CNOT9: variants seen among roughly 807,000 people sequenced by gnomAD.
CNOT9 encodes CCR4-NOT transcription complex subunit 9.
CNOT9 carries 8 observed loss-of-function variants against 37.4 expected under a neutral mutation model. The observed-to-expected ratio is 0.21, with a 90% CI of 0.13 to 0.39. The LOEUF is 0.39. CNOT9 is among the 10% of genes least tolerant of loss of function. The pLI is 1.00. For synonymous variants in CNOT9, 120 were observed against 137.6 expected, an observed-to-expected ratio of 0.87 and a Z score of 0.90; for missense variants, 154 against 365.3, an observed-to-expected ratio of 0.42 and a Z score of 4.71.
At chr2:218,579,042 T>G (rs1465899179) in intron 1 of CNOT9, among the ~76,000 whole-genome samples, 1 of 152,206 alleles carries the variant, frequency 6.6e-6, no homozygotes, top group Non-Finnish European at 1.5e-5. Context: ...ATTACAGGTT[T>G]TCTGCTCAGT....
rs544106749 is a variant in CNOT9, at chr2:218,592,147, C to A, written c.541-157C>A. ...GTTCAACATGGTAATATTTATTATT[C>A]TTTGTACTATACATATATGATAAAG... On this transcript the variant is annotated intron_variant, in intron 5 of 7. Coordinates refer to ENST00000273064, the MANE Select transcript of CNOT9 (RefSeq NM_005444.3). The surrounding 1 kb of genome is among the most constrained non-coding windows in gnomAD (Gnocchi z 4.1). Among the ~76,000 whole-genome samples, 1 of 152,188 alleles carries A rather than the reference C, an allele frequency of 6.6e-6. No homozygotes were observed. The highest frequency in any genetic ancestry group is 1.9e-4 in the East Asian group (1 of 5,192).
intron 2 of CNOT9, among the ~76,000 whole-genome samples, chr2:218,582,098 A>T (rs1455810351): frequency 6.7e-6 from 1 of 148,720 alleles, no homozygotes; most frequent in Non-Finnish European, 1.5e-5. Flanking sequence ...AAGAAAAAAA[A>T]TGTAAATGGA....
intron 1 of CNOT9, chr2:218,572,640 A>C: frequency 1.0e-6 from 1 of 983,692 alleles, no homozygotes. Flanking sequence ...CAAAGGAAAA[A>C]GAAAACTACA....
At chr2:218,581,307 T>C (rs1574989888) in intron 2 of CNOT9, among the ~76,000 whole-genome samples, 1 of 151,858 alleles carries the variant, frequency 6.6e-6, no homozygotes, top group Non-Finnish European at 1.5e-5. Context: ...TAGCTGGGAT[T>C]ATAGGCCTGC....
intron 1 of CNOT9, among the ~76,000 whole-genome samples, chr2:218,579,198 C>T (rs1217167170): frequency 2.0e-5 from 3 of 152,086 alleles, no homozygotes; most frequent in Non-Finnish European, 4.4e-5. Flanking sequence ...AGTAAGTCTC[C>T]CTGTAAATCC....
intron 1 of CNOT9, among the ~76,000 whole-genome samples, chr2:218,573,107 C>G (rs1452275785): frequency 6.6e-6 from 1 of 152,066 alleles, no homozygotes; most frequent in African/African-American, 2.4e-5. Flanking sequence ...ATCATAAGGT[C>G]AGGAGTTCGA....
chr2:218,570,597 T>C (rs1205418651), intron 1 of CNOT9, among the ~76,000 whole-genome samples: 1 of 152,202 alleles, frequency 6.6e-6, no homozygotes, highest in African/African-American at 2.4e-5. Flanking sequence ...TGTGCTGCTA[T>C]TAGGGGAAAG....
At chr2:218,593,108 A>G (rs1574999475) in intron 7 of CNOT9, 1 of 230,084 alleles carries the variant, frequency 4.3e-6, no homozygotes, top group Non-Finnish European at 8.5e-6. Context: ...TGATTCCTAT[A>G]AGTTTCTTGA....
intron 3 of CNOT9, 22 bp downstream of exon 3, chr2:218,583,108 C>G (rs1447985400): frequency 1.4e-6 from 2 of 1,466,318 alleles, no homozygotes; most frequent in African/African-American, 2.8e-5. Flanking sequence ...GGGTGAGTCA[C>G]TTGGGGGAGA....
At chr2:218,572,814 C>T (rs534783839) in intron 1 of CNOT9, 27 of 411,636 alleles carry the variant, frequency 6.6e-5, no homozygotes, top group African/African-American at 3.0e-4. Flanking sequence ...TCTCACTTTC[C>T]GCCTAACCAG....
chr2:218,571,934 T>C (rs1694010725), intron 1 of CNOT9, among the ~76,000 whole-genome samples: 1 of 151,968 alleles, frequency 6.6e-6, no homozygotes, highest in African/African-American at 2.4e-5. Flanking sequence ...CATATATTCA[T>C]TACCGCTACC....
At chr2:218,584,236 C>T (rs1694513472) in intron 3 of CNOT9, among the ~76,000 whole-genome samples, 1 of 152,124 alleles carries the variant, frequency 6.6e-6, no homozygotes, top group Non-Finnish European at 1.5e-5. Flanking sequence ...GGGTTTTCAG[C>T]TTTGGCACCA....
chr2:218,593,300 G>A (rs1241016121), intron 7 of CNOT9, among the ~76,000 whole-genome samples: 2 of 152,190 alleles, frequency 1.3e-5, no homozygotes, highest in Non-Finnish European at 2.9e-5. Context: ...TGGGAAGAGA[G>A]CTAGCTTGAT....
At chr2:218,590,310 C>G (rs939545897) in intron 5 of CNOT9, among the ~76,000 whole-genome samples, 2 of 152,194 alleles carry the variant, frequency 1.3e-5, no homozygotes, top group African/African-American at 4.8e-5. Flanking sequence ...CTCAGGCAAT[C>G]TGCCTGCCTC....
intron 3 of CNOT9, 141 bp downstream of exon 3, chr2:218,583,227 GTGTGTGTCTCTCTC>G (rs1168705792): frequency 6.4e-4 from 134 of 210,040 alleles, no homozygotes; most frequent in African/African-American, 2.1e-3. Context: ...GTGTGTGTGT[GTGTGTGTCTCTCTC>G]TCTCTCTCTC....
At chr2:218,571,280 G>A (rs1163894284) in intron 1 of CNOT9, among the ~76,000 whole-genome samples, 1 of 152,074 alleles carries the variant, frequency 6.6e-6, no homozygotes, top group East Asian at 1.9e-4. Flanking sequence ...ATGTAAGCCG[G>A]GTGGTGTGTG....
intron 2 of CNOT9, chr2:218,581,064 A>C (rs1378395382): frequency 4.1e-6 from 2 of 493,582 alleles, no homozygotes; most frequent in African/African-American, 3.9e-5. Context: ...TGTAAGATAA[A>C]TCTACATGAC....
In CNOT9 at chr2:218,582,951, T is replaced by C. The variant is rs764832352; in HGVS notation, c.205-20T>C. 13 of 1,388,334 alleles carry C rather than the reference T, an allele frequency of 9.4e-6. No individual in the cohort carries two copies. The highest frequency in any genetic ancestry group is 1.8e-4 in the Middle Eastern group (1 of 5,622). 86.0% of individuals were successfully genotyped at this position (1,388,334 alleles called of 1,614,324 possible). A position where few individuals can be genotyped will look rare whatever the true frequency, so the allele number is the denominator to read the frequency against. On this transcript the variant is annotated intron_variant, in intron 2 of 7. Transcript: ENST00000273064. ...TTTTAGTTATTCCTTATTCATCTGA[T>C]GCTGATTTCCATTTTTTAGGAAATT...
chr2:218,580,410 A>G, intron 1 of CNOT9, 151 bp from the exon 2 acceptor site: 2 of 611,730 alleles, frequency 3.3e-6, no homozygotes, highest in Non-Finnish European at 5.5e-6. Flanking sequence ...AGTAACTACC[A>G]AAGAGATTGA....
Sources: allele counts gnomAD v4.1 joint callset (sites outside exome capture counted in the v4.1 genomes callset), GRCh38; gene constraint gnomAD v4.1.1; non-coding constraint Gnocchi (gnomAD v3.1); transcripts MANE v1.5; gene names NCBI Gene and HGNC (gene_info 2026-07-23, HGNC 2026-07-21).